Variants in TNFRSF10C observed in about 807,000 individuals in gnomAD.
TNFRSF10C encodes the protein tumor necrosis factor receptor superfamily member 10C.
In TNFRSF10C, 17 loss-of-function variants were observed where a neutral mutation model predicts 16.7. The ratio of observed to expected loss-of-function variants is 1.02; its 90% CI spans 0.70 to 1.53. The LOEUF (loss-of-function observed/expected upper bound fraction) is 1.53. Ranked by LOEUF, TNFRSF10C falls within the 40% of genes most tolerant of loss-of-function variation. The pLI, the probability that TNFRSF10C is intolerant of heterozygous loss-of-function variation, is 0.00. For missense variants in TNFRSF10C, 237 were observed against 329.7 expected, an observed-to-expected ratio of 0.72 and a Z score of 2.18; for synonymous variants, 73 against 119.7, an observed-to-expected ratio of 0.61 and a Z score of 2.55.
In TNFRSF10C at chr8:23,111,725, A is replaced by G. The variant is rs1219192808; in HGVS notation, c.66A>G (p.Leu22=). 6.2e-7 allele frequency: 1 copy of G among 1,613,972 alleles called. No individual in the cohort carries two copies. Among genetic ancestry groups the G allele is most frequent in the East Asian group, 2.2e-5 (1 of 44,884 alleles). ...TCACTCCTTTGTCCCCACAGGTCCT[A>G]GCTTACTCTGCCACCACTGCCCGGC... is the stretch of plus-strand genomic sequence containing the variant. ...VVIVAVLLPV[L]AYSATTARQE... Residue 22 remains leucine (L), a synonymous_variant, in exon 2 of 5, where the codon CTA becomes CTG. Transcript: ENST00000356864.
chr8:23,116,142 C>T (rs1288067904), intron 4 of TNFRSF10C, among the ~76,000 whole-genome samples: 2 of 152,034 alleles, frequency 1.3e-5, no homozygotes, highest in Non-Finnish European at 2.9e-5. Flanking sequence ...GCCGGCCTCA[C>T]CCCTGGCCCC....
intron 1 of TNFRSF10C, among the ~76,000 whole-genome samples, chr8:23,107,820 C>G (rs1011387114): frequency 9.2e-5 from 14 of 152,158 alleles, no homozygotes. Flanking sequence ...GCTGAGAAAG[C>G]AAGACTCAAC....
intron 1 of TNFRSF10C, 48 bp downstream of exon 1, chr8:23,103,229 C>G: frequency 1.3e-6 from 2 of 1,588,892 alleles, no homozygotes; most frequent in South Asian, 2.3e-5. Context: ...CACCTGGCGC[C>G]GGGAGGGGGC....
intron 3 of TNFRSF10C, 112 bp downstream of exon 3, chr8:23,114,882 C>T (rs1314895284): frequency 1.2e-6 from 1 of 814,152 alleles, no homozygotes; most frequent in Non-Finnish European, 2.1e-6. Flanking sequence ...GTCTTCATCA[C>T]CCTGTTCTAT....
chr8:23,104,230 G>A (rs143618503), intron 1 of TNFRSF10C, among the ~76,000 whole-genome samples: 41 of 152,314 alleles, frequency 2.7e-4, no homozygotes, highest in Admixed American at 1.6e-3. Flanking sequence ...AACTCTATGC[G>A]TCCCAAAGGA....
chr8:23,117,112 C>G lies in TNFRSF10C; in HGVS notation c.*81C>G. 1 of 1,552,158 alleles carries G rather than the reference C, an allele frequency of 6.4e-7. No individual in the cohort carries two copies. Among genetic ancestry groups the G allele is most frequent in the East Asian group, 2.2e-5 (1 of 44,644 alleles). On this transcript the variant is annotated 3_prime_UTR_variant, in exon 5 of 5. Coordinates refer to ENST00000356864, the MANE Select transcript of TNFRSF10C (RefSeq NM_003841.5). Reference sequence around the variant, plus strand: ...GGCTGAGGGCGGGGGGCGCTGGACACTCTCTGCCCTGCCTCCCTCTGCTGT... The same window carrying G: ...GGCTGAGGGCGGGGGGCGCTGGACAGTCTCTGCCCTGCCTCCCTCTGCTGT...
chr8:23,106,502 C>T (rs1813779904), intron 1 of TNFRSF10C, among the ~76,000 whole-genome samples: 1 of 150,092 alleles, frequency 6.7e-6, no homozygotes, highest in Non-Finnish European at 1.5e-5. Context: ...GACAAGCACA[C>T]ACATTTATTT....
rs1813691839 is a variant in TNFRSF10C, at chr8:23,103,016, G to A, written c.-106G>A. 2.6e-6 allele frequency: 4 copies of A among 1,553,264 alleles called. No individual in the cohort carries two copies. Among genetic ancestry groups the A allele is most frequent in the Non-Finnish European group, 3.5e-6 (4 of 1,147,610 alleles). ...TTTGACCAGAGATGCAAGGGGTGAA[G>A]GAGCGCTTCCTACCGTTAGGGAACT... On this transcript the variant is annotated 5_prime_UTR_variant, in exon 1 of 5. Coordinates refer to ENST00000356864, the MANE Select transcript of TNFRSF10C (RefSeq NM_003841.5).
At chr8:23,107,442 C>T (rs576010346) in intron 1 of TNFRSF10C, among the ~76,000 whole-genome samples, 16 of 152,304 alleles carry the variant, frequency 1.1e-4, no homozygotes, top group African/African-American at 3.4e-4. Context: ...TGTATACACA[C>T]GTCTCAATCT....
intron 1 of TNFRSF10C, 173 bp downstream of exon 1, chr8:23,103,354 C>T (rs1375549388): frequency 1.7e-6 from 2 of 1,196,650 alleles, no homozygotes; most frequent in Non-Finnish European, 2.4e-6. Context: ...CCGGGCTGGG[C>T]AGGAGGGACC....
chr8:23,113,070 T>G lies in TNFRSF10C; in HGVS notation c.166+1245T>G, dbSNP rs149046307. On this transcript the variant is annotated intron_variant, in intron 2 of 4. Coordinates refer to ENST00000356864, the MANE Select transcript of TNFRSF10C (RefSeq NM_003841.5). Reference sequence around the variant, plus strand: ...AGTGATGCTGAGCATTTTTTTCATATACTTTTTGGCCACTTCTATGTCTCC... The same window carrying G: ...AGTGATGCTGAGCATTTTTTTCATAGACTTTTTGGCCACTTCTATGTCTCC... Among the ~76,000 whole-genome samples the G allele has an allele frequency of 7.3e-4, 111 of 152,340 alleles. 1 individual carries two copies. The highest frequency in any genetic ancestry group is 2.6e-3 in the African/African-American group (109 of 41,570).
In TNFRSF10C at chr8:23,115,558, T is replaced by C. The variant is rs1321397754; in HGVS notation, c.331T>C (p.Cys111Arg). ...CTMTRDTVCQ[C>R]KEGTFRNENS... is the part of the protein sequence containing the mutation. ...CATGACCAGAGACACAGTGTGTCAG[T>C]GTAAAGAAGGCACCTTCCGGAATGA... Residue 111 changes from cysteine to arginine, a missense_variant, in exon 4 of 5, where the codon TGT becomes CGT. Transcript: ENST00000356864. The C allele has an allele frequency of 3.1e-6, 5 of 1,613,374 alleles. No individual in the cohort carries two copies. Among genetic ancestry groups the C allele is most frequent in the Non-Finnish European group, 3.4e-6 (4 of 1,179,666 alleles).
rs766646337 is a variant in TNFRSF10C, at chr8:23,114,754, TAC to T, written c.266_267del (p.Thr89SerfsTer3). ...ACAATGAACCTTCTTGCTTCCCATG[TAC>T]AGTTTGTAAATCAGGTACAGAATGT... Reference protein sequence around the residue: ...SNNEPSCFPCTVCKSDQKHKS... With the variant: ...SNNEPSCFPCXVCKSDQKHKS... On this transcript the variant is annotated frameshift_variant, in exon 3 of 5. Transcript: ENST00000356864. LOFTEE classifies it high-confidence loss of function. 9 of 1,613,904 alleles carry T rather than the reference TAC, an allele frequency of 5.6e-6. No homozygotes were observed. Among genetic ancestry groups the T allele is most frequent in the Middle Eastern group, 1.7e-4 (1 of 6,058 alleles).
chr8:23,106,993 AC>A (rs1401563818), intron 1 of TNFRSF10C, among the ~76,000 whole-genome samples: 3 of 152,010 alleles, frequency 2.0e-5, no homozygotes, highest in African/African-American at 7.2e-5. Flanking sequence ...CTTTTAGGAA[AC>A]ACAAAAGAGG....
intron 1 of TNFRSF10C, among the ~76,000 whole-genome samples, chr8:23,106,278 C>T (rs997348594): frequency 2.0e-5 from 3 of 152,162 alleles, no homozygotes; most frequent in Non-Finnish European, 4.4e-5. Flanking sequence ...TTGCCTCCCC[C>T]TCCTCCAGAG....
Position 23,114,790 on chromosome 8 carries a change from C to G in TNFRSF10C, c.280+20C>G. 1.2e-6 allele frequency: 2 copies of G among 1,602,500 alleles called. No homozygotes were observed. The highest frequency in any genetic ancestry group is 1.7e-6 in the Non-Finnish European group (2 of 1,169,392). ...AATCAGGTACAGAATGTGTGGACCT[C>G]TTGTCCAGAGGTGGAGCGTGGGGCA... On this transcript the variant is annotated intron_variant, in intron 3 of 4. Transcript: ENST00000356864.
intron 1 of TNFRSF10C, among the ~76,000 whole-genome samples, chr8:23,109,132 G>T (rs1276880195): frequency 6.6e-6 from 1 of 152,176 alleles, no homozygotes; most frequent in Non-Finnish European, 1.5e-5. Context: ...AAAACTGGGG[G>T]TTAGGGAGAT....
chr8:23,106,137 G>A lies in TNFRSF10C; in HGVS notation c.60+2956G>A, dbSNP rs568014570. On this transcript the variant is annotated intron_variant, in intron 1 of 4. Transcript: ENST00000356864. Reference sequence around the variant, plus strand: ...AGAACACCTGTGCCTGGAGTCCGCCGGAGTTTGGGAGGACAAATGAACCCC... The same window carrying A: ...AGAACACCTGTGCCTGGAGTCCGCCAGAGTTTGGGAGGACAAATGAACCCC... 5.3e-5 allele frequency among the ~76,000 whole-genome samples: 8 copies of A among 152,206 alleles called. No individual in the cohort carries two copies. In the South Asian group the frequency reaches 1.2e-3, roughly 24 times the overall value.
At chr8:23,112,809 C>T (rs1485054922) in intron 2 of TNFRSF10C, among the ~76,000 whole-genome samples, 4 of 152,164 alleles carry the variant, frequency 2.6e-5, no homozygotes, top group Non-Finnish European at 5.9e-5. Flanking sequence ...AATATACTGA[C>T]GTCATTTCCT....
Sources: allele counts gnomAD v4.1 joint callset (sites outside exome capture counted in the v4.1 genomes callset), GRCh38; gene constraint gnomAD v4.1.1; transcripts MANE v1.5; gene names NCBI Gene and HGNC (gene_info 2026-07-23, HGNC 2026-07-21).